KALRN: variants seen among roughly 807,000 people sequenced by gnomAD.
KALRN encodes kalirin RhoGEF kinase.
Under a neutral mutation model 353.7 loss-of-function variants are expected in KALRN, and 70 were observed. That is an observed-to-expected ratio of 0.20 (90% CI 0.16 to 0.24). The LOEUF is 0.24. KALRN is among the 10% of genes least tolerant of loss of function. KALRN has a pLI of 1.00. For synonymous variants in KALRN, 1,391 were observed against 1,434.8 expected, an observed-to-expected ratio of 0.97 and a Z score of 0.69; for missense variants, 2,791 against 3,756.7, an observed-to-expected ratio of 0.74 and a Z score of 6.72.
chr3:124,425,686 G>A (rs1438468045), intron 15 of KALRN, among the ~76,000 whole-genome samples: 2 of 152,072 alleles, frequency 1.3e-5, no homozygotes, highest in African/African-American at 4.8e-5. Flanking sequence ...TTTTGTTCCT[G>A]GGTTTTAATT....
intron 9 of KALRN, among the ~76,000 whole-genome samples, chr3:124,335,317 A>C (rs2081028015): frequency 6.6e-6 from 1 of 152,108 alleles, no homozygotes; most frequent in South Asian, 2.1e-4. Flanking sequence ...GCTGTTGTTC[A>C]GTGTATGTTT....
intron 1 of KALRN, among the ~76,000 whole-genome samples, chr3:124,110,990 G>A (rs1455860481): frequency 1.3e-5 from 2 of 152,140 alleles, no homozygotes; most frequent in African/African-American, 4.8e-5. Flanking sequence ...CAAGGCAAAA[G>A]CTTTTTTTGT....
intron 1 of KALRN, among the ~76,000 whole-genome samples, chr3:124,060,506 C>T (rs1161126449): frequency 1.3e-5 from 2 of 152,190 alleles, no homozygotes; most frequent in African/African-American, 2.4e-5. Context: ...CTCCAGGTGT[C>T]TGGCTCTCTT....
At chr3:124,392,361 ATATAT>A (rs1466499634) in intron 11 of KALRN, among the ~76,000 whole-genome samples, 2 of 152,310 alleles carry the variant, frequency 1.3e-5, no homozygotes, top group African/African-American at 2.4e-5. Flanking sequence ...AAGATAGATA[ATATAT>A]TTGTGTATAC....
intron 3 of KALRN, among the ~76,000 whole-genome samples, chr3:124,242,723 C>T (rs2080629809): frequency 6.6e-6 from 1 of 152,114 alleles, no homozygotes; most frequent in Non-Finnish European, 1.5e-5. Context: ...GTAATTACCT[C>T]AGTTTTGGGC....
chr3:124,149,084 T>C (rs746761554), intron 1 of KALRN, among the ~76,000 whole-genome samples: 2 of 152,174 alleles, frequency 1.3e-5, no homozygotes, highest in Admixed American at 6.5e-5. Context: ...GGGGCACACA[T>C]TGAGTGAAAA....
At chr3:124,409,906 G>A (rs1228726021) in intron 13 of KALRN, among the ~76,000 whole-genome samples, 1 of 152,018 alleles carries the variant, frequency 6.6e-6, no homozygotes, top group East Asian at 1.9e-4. Flanking sequence ...GGGAGAGAAG[G>A]GAGGGGGAGT....
chr3:124,178,346 A>C (rs1031362796), intron 1 of KALRN, among the ~76,000 whole-genome samples: 1 of 152,244 alleles, frequency 6.6e-6, no homozygotes, highest in African/African-American at 2.4e-5. Flanking sequence ...AACTAATTTA[A>C]AAATACAACA....
At chr3:124,208,150 T>C (rs1245388145) in intron 1 of KALRN, among the ~76,000 whole-genome samples, 1 of 152,188 alleles carries the variant, frequency 6.6e-6, no homozygotes, top group East Asian at 1.9e-4. Context: ...CTGCGCTTTC[T>C]CCTGGCAGCC....
chr3:124,343,924 A>G (rs982911444), intron 9 of KALRN, among the ~76,000 whole-genome samples: 2 of 152,202 alleles, frequency 1.3e-5, no homozygotes, highest in Non-Finnish European at 2.9e-5. Context: ...TATTAAATAA[A>G]TGTCCGAATA....
chr3:124,631,148 A>G (rs945654235), intron 34 of KALRN, among the ~76,000 whole-genome samples: 2 of 151,936 alleles, frequency 1.3e-5, no homozygotes, highest in Non-Finnish European at 2.9e-5. Flanking sequence ...TTTTACTCCT[A>G]CCTCACTGGC....
chr3:124,528,496 G>A (rs1035030879), intron 33 of KALRN, among the ~76,000 whole-genome samples: 2 of 152,108 alleles, frequency 1.3e-5, no homozygotes, highest in African/African-American at 4.8e-5. Flanking sequence ...CAGCAGACTC[G>A]AGAGTTAAGG....
intron 1 of KALRN, among the ~76,000 whole-genome samples, chr3:124,159,970 G>A (rs1156779980): frequency 6.6e-6 from 1 of 151,766 alleles, no homozygotes; most frequent in Non-Finnish European, 1.5e-5. Context: ...ATGAAAAAAC[G>A]AAAACGAAAC....
At chr3:124,350,605 AG>A (rs1486170577) in intron 10 of KALRN, among the ~76,000 whole-genome samples, 1 of 152,150 alleles carries the variant, frequency 6.6e-6, no homozygotes, top group African/African-American at 2.4e-5. Context: ...GCTTATGGGA[AG>A]TGTGGGACAA....
At chr3:124,200,348 A>C (rs1024568492) in intron 1 of KALRN, among the ~76,000 whole-genome samples, 2 of 152,214 alleles carry the variant, frequency 1.3e-5, no homozygotes, top group Non-Finnish European at 2.9e-5. Flanking sequence ...TTTATTTCTC[A>C]TAGTTCTGAA....
At chr3:124,717,522 TA>T (rs781722322) in intron 59 of KALRN, 137 bp downstream of exon 59, 5 of 503,846 alleles carry the variant, frequency 9.9e-6, no homozygotes, top group Middle Eastern at 5.4e-4. Flanking sequence ...CCGTCTCTAC[TA>T]AAAATACAAA....
intron 5 of KALRN, among the ~76,000 whole-genome samples, chr3:124,285,940 T>C (rs1159846092): frequency 3.3e-5 from 5 of 152,170 alleles, no homozygotes; most frequent in Non-Finnish European, 1.5e-5. Flanking sequence ...ACATAGAACA[T>C]GTCAGTCATC....
intron 3 of KALRN, among the ~76,000 whole-genome samples, chr3:124,239,565 A>G (rs1049422297): frequency 5.9e-5 from 9 of 152,360 alleles, no homozygotes; most frequent in African/African-American, 1.9e-4. Flanking sequence ...TGTAATGTCA[A>G]TCAAATCAAG....
intron 34 of KALRN, among the ~76,000 whole-genome samples, chr3:124,601,751 C>T (rs1194760102): frequency 2.0e-5 from 3 of 152,012 alleles, no homozygotes; most frequent in African/African-American, 7.2e-5. Context: ...TCTATTCTGG[C>T]CAGTGTGGTG....
Sources: allele counts gnomAD v4.1 joint callset (sites outside exome capture counted in the v4.1 genomes callset), GRCh38; gene constraint gnomAD v4.1.1; transcripts MANE v1.5; gene names NCBI Gene and HGNC (gene_info 2026-07-23, HGNC 2026-07-21).